The following UMOD variants were observed in gnomAD, a reference collection of about 807,000 sequenced individuals.
UMOD encodes the protein Tamm-Horsfall urinary glycoprotein.
Under a neutral mutation model 66.0 loss-of-function variants are expected in UMOD, and 64 were observed. The ratio of observed to expected loss-of-function variants is 0.97; its 90% CI spans 0.79 to 1.19. The LOEUF is 1.19. Ranked by LOEUF, UMOD falls within the 50% of genes most tolerant of loss-of-function variation. The pLI, the probability that UMOD is intolerant of heterozygous loss-of-function variation, is 0.00. For synonymous variants in UMOD, 398 were observed against 352.7 expected (o/e 1.13, Z -1.44); for missense variants, 764 against 850.9 (o/e 0.90, Z 1.27).
At chr16:20,354,638 C>T (rs1057124953), upstream of UMOD, among the ~76,000 whole-genome samples, 4 of 151,930 alleles carry the variant, frequency 2.6e-5, no homozygotes, top group Non-Finnish European at 4.4e-5. Context: ...CCCCAGGTGG[C>T]TTCTGGAGTT....
intron 4 of UMOD, 113 bp from the exon 5 acceptor site, chr16:20,346,447 A>G (rs1965592221): frequency 1.9e-6 from 2 of 1,047,096 alleles, no homozygotes; most frequent in Non-Finnish European, 2.9e-6. Flanking sequence ...AGTGCTCAGC[A>G]TAGCCTTGAG....
At position 20,340,744 on chromosome 16, in the gene UMOD, C is replaced by T. The variant is rs934339638; in HGVS notation, c.1577+347G>A. 3.3e-5 allele frequency among the ~76,000 whole-genome samples: 5 copies of T among 152,050 alleles called. No individual in the cohort carries two copies. In the South Asian group the frequency reaches 8.3e-4, roughly 25 times the overall value. On this transcript the variant is annotated intron_variant, in intron 7 of 10. Transcript: ENST00000396138. ...GCGTGGTGGCTCACACCTGTAATCC[C>T]AGCACTTTGGGAGGCCAAGGGGGTG...
intron 1 of UMOD, chr16:20,351,428 A>T (rs1024722298): frequency 6.2e-6 from 1 of 161,112 alleles, no homozygotes; most frequent in African/African-American, 2.4e-5. Flanking sequence ...TCCAGGGTGG[A>T]TGCCAGTATT....
intron 6 of UMOD, 90 bp downstream of exon 6, chr16:20,343,934 C>T (rs1965379875): frequency 1.3e-6 from 2 of 1,521,526 alleles, no homozygotes. Context: ...CTCCCAGCTC[C>T]CTGTGGGTGG....
chr16:20,341,671 A>G (rs939627366), intron 6 of UMOD, among the ~76,000 whole-genome samples: 28 of 152,184 alleles, frequency 1.8e-4, no homozygotes, highest in African/African-American at 6.5e-4. Flanking sequence ...TGCTACTGCT[A>G]TAGGCTTTGC....
rs1481825762 is a variant in UMOD at position 20,348,536 on chromosome 16, G to T, written c.765C>A (p.Cys255Ter). 1 of 1,603,530 alleles carries T rather than the reference G, an allele frequency of 6.2e-7. No individual in the cohort carries two copies. The highest frequency in any genetic ancestry group is 8.5e-7 in the Non-Finnish European group (1 of 1,178,096). ...CCTGGACGGACGCATCCCACAGGCA[G>T]CAGTGGCCGCTCCAGTGCGCGCAGG... ...RKACAHWSGHCCLWDASVQVK... is the reference protein window; with the variant it reads ...RKACAHWSGH Residue 255 changes from cysteine (C) to a stop codon, truncating the protein, a stop_gained, in exon 3 of 11, where the codon TGC becomes TGA. Transcript: ENST00000396138. LOFTEE classifies it high-confidence loss of function.
chr16:20,335,370 A>G (rs1964812044), intron 10 of UMOD, 112 bp downstream of exon 10: 1 of 1,109,834 alleles, frequency 9.0e-7, no homozygotes. Flanking sequence ...TAGAAAACGG[A>G]ACTAGTAACA....
At position 20,335,504 on chromosome 16, in the gene UMOD, G is replaced by A; in HGVS notation, c.1839C>T (p.Val613=). The change falls in exon 10 of 11, where the codon GTC becomes GTT. Residue 613 remains valine, a synonymous_variant. Coordinates refer to ENST00000396138, the MANE Select transcript of UMOD (RefSeq NM_003361.4). ...TACCCAAGCTGCTAAAAGCCCTTGA[G>A]ACTGTGGCCTGGACACCTTTGGAGG... is the stretch of plus-strand genomic sequence containing the variant. The part of the protein sequence containing the change: ...PITRKGVQAT[V]SRAFSSLGLL... 4 of 1,614,162 alleles carry A rather than the reference G, an allele frequency of 2.5e-6. No homozygotes were observed. Among genetic ancestry groups the A allele is most frequent in the Non-Finnish European group, 3.4e-6 (4 of 1,180,000 alleles).
intron 1 of UMOD, chr16:20,351,446 T>A (rs1251307712): frequency 6.3e-6 from 1 of 158,306 alleles, no homozygotes; most frequent in Non-Finnish European, 1.4e-5. Context: ...ATTACCCCAG[T>A]GTTTATAGCA....
At chr16:20,344,199 G>A (rs780275568) in intron 5 of UMOD, 27 bp from the exon 6 acceptor site, 12 of 1,485,392 alleles carry the variant, frequency 8.1e-6, no homozygotes, top group Non-Finnish European at 1.1e-5. Flanking sequence ...GGGTGGAGGG[G>A]GGGTGGGGAT....
chr16:20,338,482 T>C (rs748419241), intron 7 of UMOD, among the ~76,000 whole-genome samples: 14 of 152,198 alleles, frequency 9.2e-5, no homozygotes, highest in Admixed American at 2.0e-4. Flanking sequence ...TTCCGCAATG[T>C]CCCTGCTGTA....
chr16:20,336,447 C>A (rs946728217), intron 9 of UMOD, among the ~76,000 whole-genome samples, 199 bp downstream of exon 9: 1 of 152,182 alleles, frequency 6.6e-6, no homozygotes, highest in African/African-American at 2.4e-5. Context: ...ATCTACAAAT[C>A]ATATTTGTCC....
At chr16:20,338,397 CCA>C (rs1964999461) in intron 7 of UMOD, among the ~76,000 whole-genome samples, 1 of 152,212 alleles carries the variant, frequency 6.6e-6, no homozygotes, top group African/African-American at 2.4e-5. Context: ...ACCCCAGCTC[CCA>C]CACTCACCCA....
upstream of UMOD, among the ~76,000 whole-genome samples, chr16:20,354,037 G>C (rs1041101201): frequency 6.6e-5 from 10 of 152,148 alleles, no homozygotes; most frequent in Non-Finnish European, 2.9e-5. Flanking sequence ...ATAGTTTGCT[G>C]AGAATGATGG....
At chr16:20,342,618 T>A (rs1186389770) in intron 6 of UMOD, 1 of 152,208 alleles carries the variant, frequency 6.6e-6, no homozygotes, top group Non-Finnish European at 1.5e-5. Context: ...AAGTGGAGGC[T>A]CTGGACCTGA....
intron 1 of UMOD, 156 bp downstream of exon 1, chr16:20,352,533 C>G: frequency 2.2e-6 from 1 of 460,076 alleles, no homozygotes; most frequent in Non-Finnish European, 3.5e-6. Context: ...GAGAGGAAAA[C>G]TAACTTACTA....
rs565665024 is a variant in UMOD at position 20,350,768 on chromosome 16, A to G, written c.-31T>C. On this transcript the variant is annotated 5_prime_UTR_variant, in exon 2 of 11. Coordinates refer to ENST00000396138, the MANE Select transcript of UMOD (RefSeq NM_003361.4). ...CTGCTCTTCCCGCTACTTCAGGTCT[A>G]GATAGCACCTGCCCAAAGGAAAGAC... 1.1e-5 allele frequency: 18 copies of G among 1,614,028 alleles called. No individual in the cohort carries two copies. Among genetic ancestry groups the G allele is most frequent in the Non-Finnish European group, 1.4e-5 (17 of 1,179,944 alleles).
At chr16:20,343,154 A>AATAAATAT (rs1376190145) in intron 6 of UMOD, among the ~76,000 whole-genome samples, 3 of 152,124 alleles carry the variant, frequency 2.0e-5, no homozygotes, top group African/African-American at 7.2e-5. Flanking sequence ...TAAATAAATA[A>AATAAATAT]ATAATCAATA....
chr16:20,352,681 A>T lies in UMOD; in HGVS notation c.-103+8T>A, dbSNP rs1965954875. ...GGGCTAGGAGAAGACAGCTACAGAT[A>T]GCCTTACCTGAAGCCAGAAAGGTAG... On this transcript the variant is annotated splice_region_variant and intron_variant, in intron 1 of 10. Coordinates refer to ENST00000396138, the MANE Select transcript of UMOD (RefSeq NM_003361.4). 1 of 1,231,710 alleles carries T rather than the reference A, an allele frequency of 8.1e-7. No individual in the cohort carries two copies. The highest frequency in any genetic ancestry group is 1.5e-5 in the African/African-American group (1 of 64,534). 76.3% of individuals were successfully genotyped at this position (1,231,710 alleles called of 1,614,324 possible).
Sources: allele counts gnomAD v4.1 joint callset (sites outside exome capture counted in the v4.1 genomes callset), GRCh38; gene constraint gnomAD v4.1.1; transcripts MANE v1.5; gene names NCBI Gene and HGNC (gene_info 2026-07-23, HGNC 2026-07-21).